KMT2E: variants seen among roughly 807,000 people sequenced by gnomAD.
KMT2E encodes the protein lysine methyltransferase 2E (inactive), also known as histone reader KMT2E.
In KMT2E, 30 loss-of-function variants were observed where a neutral mutation model predicts 184.6. The ratio of observed to expected loss-of-function variants is 0.16; its 90% CI spans 0.12 to 0.22. The LOEUF (loss-of-function observed/expected upper bound fraction) is 0.22. Ranked by LOEUF, KMT2E falls within the 10% of genes least tolerant of loss-of-function variation. The pLI, the probability that KMT2E is intolerant of heterozygous loss-of-function variation, is 1.00. For synonymous variants in KMT2E, 815 were observed against 776.5 expected, an observed-to-expected ratio of 1.05 and a Z score of -0.82; for missense variants, 2,023 against 2,237.4, an observed-to-expected ratio of 0.90 and a Z score of 1.93.
Position 105,040,889 on chromosome 7 carries a change from C to T in KMT2E, c.-64C>T. ...GCAATGAGCACTGTGGCTGGCATGC[C>T]CCAGTGTTTTGGATACCAATGCATA... On this transcript the variant is annotated 5_prime_UTR_variant, in exon 3 of 27. Transcript: ENST00000311117. 1.3e-5 allele frequency: 16 copies of T among 1,192,878 alleles called. No individual in the cohort carries two copies. Among genetic ancestry groups the T allele is most frequent in the Non-Finnish European group, 2.0e-5 (16 of 810,678 alleles). The allele number at this position is 1,192,878 out of a possible 1,614,324, so 73.9% of individuals were successfully genotyped here. A position where few individuals can be genotyped will look rare whatever the true frequency, so the allele number is the denominator to read the frequency against.
intron 1 of KMT2E, among the ~76,000 whole-genome samples, chr7:105,022,432 A>C (rs1039185315): frequency 1.3e-5 from 2 of 152,106 alleles, no homozygotes; most frequent in South Asian, 4.1e-4. Context: ...ATTTTTGGCT[A>C]GAATACTAGA....
chr7:105,019,629 A>G (rs1254087493), intron 1 of KMT2E, among the ~76,000 whole-genome samples: 1 of 152,220 alleles, frequency 6.6e-6, no homozygotes, highest in Non-Finnish European at 1.5e-5. Flanking sequence ...ACTGTTTCAA[A>G]TATGAAATCT....
Position 105,074,686 on chromosome 7 carries a change from G to A in KMT2E, c.600G>A (p.Val200=). The change falls in exon 8 of 27, where the codon GTG becomes GTA. Residue 200 remains valine, a synonymous_variant. Transcript: ENST00000311117. ...CTGAGAGTGGTGATGAGGTTCCTGT[G>A]GAATTATATACTGCATTTCAGCATA... is the stretch of plus-strand genomic sequence containing the variant. ...SATESGDEVP[V]ELYTAFQHTP... is the part of the protein sequence containing the mutation. 2 of 1,583,986 alleles carry A rather than the reference G, an allele frequency of 1.3e-6. No individual in the cohort carries two copies. The highest frequency in any genetic ancestry group is 1.7e-6 in the Non-Finnish European group (2 of 1,165,262).
intron 3 of KMT2E, among the ~76,000 whole-genome samples, chr7:105,046,067 G>A (rs1348026807): frequency 6.6e-6 from 1 of 151,514 alleles, no homozygotes; most frequent in South Asian, 2.1e-4. Flanking sequence ...TAATTCTCTC[G>A]TGGGCTCTAC....
intron 3 of KMT2E, among the ~76,000 whole-genome samples, chr7:105,051,596 TG>T (rs1796349898): frequency 6.6e-6 from 1 of 152,108 alleles, no homozygotes; most frequent in Non-Finnish European, 1.5e-5. Context: ...TGGTCTGTAC[TG>T]GGTCCTCCTT....
chr7:105,097,891 G>C (rs916204290), intron 15 of KMT2E, among the ~76,000 whole-genome samples: 1 of 152,010 alleles, frequency 6.6e-6, no homozygotes, highest in African/African-American at 2.4e-5. Flanking sequence ...TTGAGATATC[G>C]GATGAGCAAA....
intron 5 of KMT2E, among the ~76,000 whole-genome samples, chr7:105,065,411 G>T (rs957181294): frequency 1.3e-5 from 2 of 151,942 alleles, no homozygotes; most frequent in African/African-American, 4.8e-5. Flanking sequence ...CATTCTGTCA[G>T]TTCTTGCCCC....
intron 17 of KMT2E, chr7:105,103,827 C>CTTTTTTTTTTTT (rs66584948): frequency 5.1e-5 from 6 of 117,592 alleles, no homozygotes; most frequent in Non-Finnish European, 6.8e-5. Context: ...TTTTCTTTTT[C>CTTTTTTTTTTTT]TTTTTTTTTT....
intron 3 of KMT2E, among the ~76,000 whole-genome samples, chr7:105,051,628 T>A (rs888158770): frequency 2.7e-5 from 4 of 149,662 alleles, no homozygotes; most frequent in South Asian, 2.1e-4. Context: ...TTTTGTTTTG[T>A]TTTGTTTTGA....
chr7:105,068,639 G>GTTTTTTTTTTTTTTTTTTTTTT (rs1162488673), intron 6 of KMT2E, among the ~76,000 whole-genome samples: 1 of 111,526 alleles, frequency 9.0e-6, no homozygotes, highest in Non-Finnish European at 1.7e-5. Context: ...TTTTTTTTTT[G>GTTTTTTTTTTTTTTTTTTTTTT]TTTTTTTTTT....
intron 15 of KMT2E, among the ~76,000 whole-genome samples, chr7:105,094,254 A>T (rs1028334997): frequency 1.3e-5 from 2 of 152,206 alleles, no homozygotes; most frequent in African/African-American, 2.4e-5. Context: ...AGTCAGAAAG[A>T]TAACGTCAAG....
At chr7:105,066,618 A>C in intron 5 of KMT2E, 109 bp from the exon 6 acceptor site, 1 of 801,090 alleles carries the variant, frequency 1.2e-6, no homozygotes, top group Non-Finnish European at 2.0e-6. Flanking sequence ...TTTTAGGAGT[A>C]CTAAGCTCAA....
chr7:105,103,392 C>T (rs1003494421), intron 17 of KMT2E: 3 of 152,154 alleles, frequency 2.0e-5, no homozygotes, highest in African/African-American at 7.2e-5. Flanking sequence ...AGGCCTCATT[C>T]AGTTTAATAA....
At position 105,074,779 on chromosome 7, in the gene KMT2E, C is replaced by A; in HGVS notation, c.693C>A (p.Ser231Arg). 1.9e-6 allele frequency: 3 copies of A among 1,605,746 alleles called. No homozygotes were observed. Among genetic ancestry groups the A allele is most frequent in the Non-Finnish European group, 2.5e-6 (3 of 1,177,040 alleles). Residue 231 changes from serine (S) to arginine (R), a missense_variant, in exon 8 of 27, where the codon AGC becomes AGA. Ser to Arg is a moderately radical substitution (Grantham distance 110). Coordinates refer to ENST00000311117, the MANE Select transcript of KMT2E (RefSeq NM_182931.3). ...TTAATGATAAAAGAAGGAAAAAAAG[C>A]GGGGAGAAAGAACAACACATTTCAA... The part of the protein sequence containing the change: ...SKVNDKRRKK[S>R]GEKEQHISKC...
chr7:105,098,551 G>A (rs775231032), intron 15 of KMT2E, among the ~76,000 whole-genome samples: 13 of 152,046 alleles, frequency 8.6e-5, no homozygotes, highest in Admixed American at 3.3e-4. Context: ...GACTACAGGC[G>A]CGTGCCACAC....
chr7:105,064,163 GGTT>G, intron 5 of KMT2E: 1 of 103,196 alleles, frequency 9.7e-6, no homozygotes, highest in South Asian at 1.4e-4. Context: ...TTTTTTTCTT[GGTT>G]TTTTTTTTTT....
chr7:105,094,385 A>G (rs1352977893), intron 15 of KMT2E, among the ~76,000 whole-genome samples: 1 of 152,156 alleles, frequency 6.6e-6, no homozygotes, highest in Admixed American at 6.5e-5. Flanking sequence ...AGACTTCCAA[A>G]CCATTATGGA....
chr7:105,053,272 G>C (rs1170014008), intron 3 of KMT2E, among the ~76,000 whole-genome samples: 1 of 152,064 alleles, frequency 6.6e-6, no homozygotes, highest in African/African-American at 2.4e-5. Context: ...TTATCTAAGT[G>C]ATTGTTTACT....
rs755512418 is a variant in KMT2E at position 105,077,151 on chromosome 7, C to T, written c.957C>T (p.Ser319=). ...NGNDKKEMNK[S]DLNTNNLLFK... ...ATGACAAAAAAGAGATGAATAAATC[C>T]GATTTGAATACCAACAATTTGCTCT... Residue 319 remains serine, a synonymous_variant, in exon 10 of 27, where the codon TCC becomes TCT. Transcript: ENST00000311117. 4.2e-5 allele frequency: 67 copies of T among 1,613,746 alleles called. No individual in the cohort carries two copies. In the Admixed American group the frequency reaches 4.2e-4, roughly 10 times the overall value.
Sources: allele counts gnomAD v4.1 joint callset (sites outside exome capture counted in the v4.1 genomes callset), GRCh38; gene constraint gnomAD v4.1.1; transcripts MANE v1.5; gene names NCBI Gene and HGNC (gene_info 2026-07-23, HGNC 2026-07-21).